The following MYH7 variants were observed in gnomAD, a reference collection of about 807,000 sequenced individuals.
The protein encoded by MYH7 is myosin heavy chain 7.
A neutral mutation model predicts 225.4 loss-of-function variants in MYH7; 129 were observed. That is an observed-to-expected ratio of 0.57 (90% CI 0.50 to 0.66). The LOEUF is 0.66. Among genes scored for constraint, MYH7 ranks in the 30% least tolerant of loss-of-function variants. The pLI is 0.00. For missense variants in MYH7, 1,649 were observed against 2,517.0 expected, an observed-to-expected ratio of 0.66 and a Z score of 7.38; for synonymous variants, 971 against 1,007.6, an observed-to-expected ratio of 0.96 and a Z score of 0.69.
At chr14:23,417,983 C>T (rs773955040) in intron 30 of MYH7, 10 of 901,934 alleles carry the variant, frequency 1.1e-5, no homozygotes, top group South Asian at 7.9e-5. Flanking sequence ...CAGACGGAAG[C>T]ACTCTGCCCT....
At position 23,433,038 on chromosome 14, in the gene MYH7, G is replaced by A; in HGVS notation, c.345+46C>T. The A allele has an allele frequency of 6.2e-7, 1 of 1,613,680 alleles. No homozygotes were observed. The highest frequency in any genetic ancestry group is 8.5e-7 in the Non-Finnish European group (1 of 1,179,728). On this transcript the variant is annotated intron_variant, in intron 4 of 39. Coordinates refer to ENST00000355349, the MANE Select transcript of MYH7 (RefSeq NM_000257.4). The surrounding 1 kb of genome is among the most constrained non-coding windows in gnomAD (Gnocchi z 4.1). ...CTTGGCTCCTGGGGTGGACATGGAT[G>A]GAGCAAGAACAGAGATCCCAACGTA...
At chr14:23,432,955 C>G (rs1351445685) in intron 4 of MYH7, 129 bp downstream of exon 4, 1 of 1,519,748 alleles carries the variant, frequency 6.6e-7, no homozygotes, top group Non-Finnish European at 9.0e-7. Context: ...GGAATTGAAC[C>G]AAGGATGTTG....
rs1893028947 is a variant in MYH7, at chr14:23,433,473, T to C, written c.201+59A>G. ...GGCATGGGGCATGGGTGTACCCCTC[T>C]CTGTCCACCCAGGTGTACAGGTGGC... is the stretch of plus-strand genomic sequence containing the variant. On this transcript the variant is annotated intron_variant, in intron 3 of 39. Transcript: ENST00000355349. The surrounding 1 kb of genome is among the most constrained non-coding windows in gnomAD (Gnocchi z 4.1). The C allele has an allele frequency of 1.9e-6, 3 of 1,553,154 alleles. No individual in the cohort carries two copies. The highest frequency in any genetic ancestry group is 2.7e-6 in the Non-Finnish European group (3 of 1,129,018).
At chr14:23,420,817 C>T (rs746485219) in intron 26 of MYH7, 141 bp downstream of exon 26, 11 of 711,612 alleles carry the variant, frequency 1.5e-5, no homozygotes, top group Non-Finnish European at 2.8e-5. Context: ...TCCATGGGCA[C>T]ACTGTGATAG....
chr14:23,414,174 C>G, intron 37 of MYH7, 72 bp from the exon 38 acceptor site: 1 of 1,315,072 alleles, frequency 7.6e-7, no homozygotes, highest in Non-Finnish European at 1.1e-6. Flanking sequence ...CCGCCCTGCC[C>G]TGCTTCATCT....
At chr14:23,428,361 A>G in intron 15 of MYH7, 139 bp downstream of exon 15, 1 of 1,395,504 alleles carries the variant, frequency 7.2e-7, no homozygotes, top group Non-Finnish European at 1.0e-6. Flanking sequence ...AGCACAACAT[A>G]GGCTCTGGAA....
chr14:23,412,863 A>C lies in MYH7; in HGVS notation c.5799T>G (p.Asn1933Lys). Residue 1933 changes from asparagine (N) to lysine (K), a missense_variant, in exon 40 of 40, where the codon AAT becomes AAG. This residue lies in a region of MYH7 where 687 missense variants were observed against 913.8 expected (regional missense o/e 0.75). Coordinates refer to ENST00000355349, the MANE Select transcript of MYH7 (RefSeq NM_000257.4). ...TCAAGATGTGGCAAAGCTACTCCTC[A>C]TTCAAGCCCTTTTGAAAGGAAACAA... ...KSRDIGTKGL[N>K]EE The C allele has an allele frequency of 6.2e-7, 1 of 1,614,100 alleles. No individual in the cohort carries two copies. Among genetic ancestry groups the C allele is most frequent in the Non-Finnish European group, 8.5e-7 (1 of 1,180,010 alleles).
chr14:23,422,391 G>A (rs1892510926), intron 24 of MYH7, 66 bp from the exon 25 acceptor site: 1 of 1,609,286 alleles, frequency 6.2e-7, no homozygotes, highest in Non-Finnish European at 8.5e-7. Context: ...TTGTTGTTCA[G>A]TTACCTCAGG....
rs1892145033 is a variant in MYH7, at chr14:23,415,319, C to T, written c.5284-49G>A. ...CATGGTCTGGTCAAGTCCTCACACA[C>T]TTGCTGCCCAGCCCACGGAGAGACA... On this transcript the variant is annotated intron_variant, in intron 36 of 39. Coordinates refer to ENST00000355349, the MANE Select transcript of MYH7 (RefSeq NM_000257.4). The surrounding 1 kb of genome is among the most constrained non-coding windows in gnomAD (Gnocchi z 6.3). 1 of 1,614,142 alleles carries T rather than the reference C, an allele frequency of 6.2e-7. No homozygotes were observed. Among genetic ancestry groups the T allele is most frequent in the Non-Finnish European group, 8.5e-7 (1 of 1,180,056 alleles).
At position 23,429,783 on chromosome 14, in the gene MYH7, C is replaced by T. The variant is rs1085307959; in HGVS notation, c.1130G>A (p.Gly377Asp). The change falls in exon 12 of 40, where the codon GGC (glycine) becomes GAC (aspartate). Residue 377 changes from glycine (G) to aspartate (D), a missense_variant. By Grantham distance (94) the Gly-to-Asp change is moderately conservative. Coordinates refer to ENST00000355349, the MANE Select transcript of MYH7 (RefSeq NM_000257.4). ...GAATCCCTGCCTCCCACCTTCAGTG[C>T]CGTCTGGCTCCGCCTGCTCCTCCCG... is the stretch of plus-strand genomic sequence containing the variant. ...KQREEQAEPD[G>D]TEEADKSAYL... 1.9e-6 allele frequency: 3 copies of T among 1,612,586 alleles called. No homozygotes were observed. The highest frequency in any genetic ancestry group is 1.3e-5 in the African/African-American group (1 of 74,968).
chr14:23,433,220 G>T lies in MYH7; in HGVS notation c.209C>A (p.Thr70Asn), dbSNP rs1327007939. Residue 70 changes from threonine to asparagine, a missense_variant, in exon 4 of 40, where the codon ACC becomes AAC. This residue lies in a region of MYH7 where 91 missense variants were observed against 96.5 expected (regional missense o/e 0.94). Coordinates refer to ENST00000355349, the MANE Select transcript of MYH7 (RefSeq NM_000257.4). This position sits in a 1 kb window ranked among gnomAD's most constrained non-coding sequence, Gnocchi z 4.1. ...CTGCATCACCTGGTCCTCCTTCACG[G>T]TCACTGTCTGCAAGAGCCCCCACCC... ...TAETEYGKTV[T>N]VKEDQVMQQN... is the part of the protein sequence containing the mutation. 1 of 1,614,156 alleles carries T rather than the reference G, an allele frequency of 6.2e-7. No individual in the cohort carries two copies. The highest frequency in any genetic ancestry group is 8.5e-7 in the Non-Finnish European group (1 of 1,180,018).
chr14:23,426,904 C>T (rs1218737611), intron 17 of MYH7, 40 bp from the exon 18 acceptor site: 1 of 1,530,650 alleles, frequency 6.5e-7, no homozygotes, highest in Admixed American at 1.7e-5. Flanking sequence ...AAAGAAAATG[C>T]CAGAAAGAGA....
At chr14:23,417,827 C>A (rs1445149603) in intron 30 of MYH7, 141 bp from the exon 31 acceptor site, 2 of 1,200,452 alleles carry the variant, frequency 1.7e-6, no homozygotes, top group African/African-American at 3.0e-5. Context: ...GTCCCAGGGG[C>A]CGAGAACATC....
rs547826416 is a variant in MYH7 at position 23,433,927 on chromosome 14, G to C, written c.-8-187C>G. Among the ~76,000 whole-genome samples the C allele has an allele frequency of 1.3e-5, 2 of 152,326 alleles. No homozygotes were observed. The highest frequency in any genetic ancestry group is 3.9e-4 in the East Asian group (2 of 5,186). ...GGAGCAGCCTAGCAAACCTGCCAGG[G>C]TAAAAGGAACAACTAACTATTGTTC... On this transcript the variant is annotated intron_variant, in intron 2 of 39. Transcript: ENST00000355349. The surrounding 1 kb of genome is among the most constrained non-coding windows in gnomAD (Gnocchi z 4.1).
intron 39 of MYH7, 48 bp from the exon 40 acceptor site, chr14:23,412,919 G>A: frequency 6.2e-7 from 1 of 1,602,536 alleles, no homozygotes; most frequent in Non-Finnish European, 8.5e-7. Flanking sequence ...AGATGGTATT[G>A]GGCAGGGACA....
In MYH7 at chr14:23,431,501, T is replaced by C; in HGVS notation, c.733-20A>G. On this transcript the variant is annotated intron_variant, in intron 8 of 39. Transcript: ENST00000355349. ...TTTCCCCTGGAGAGATGGAAGAGAGTGGTGATGAGTTGGGGGAAGGCTCAT... is the reference window on the plus strand; with the variant it reads ...TTTCCCCTGGAGAGATGGAAGAGAGCGGTGATGAGTTGGGGGAAGGCTCAT... 2 of 1,613,614 alleles carry C rather than the reference T, an allele frequency of 1.2e-6. No homozygotes were observed. The highest frequency in any genetic ancestry group is 2.2e-5 in the South Asian group (2 of 91,064).
In MYH7 at chr14:23,419,300, G is replaced by A. The variant is rs752385694; in HGVS notation, c.3854-5C>T. The stretch of plus-strand genomic sequence containing the variant: ...CCAGCTGCCGGGACAGCTCACCTGG[G>A]GAAGCACCATTCTAGATCAGCACTC... On this transcript the variant is annotated splice_polypyrimidine_tract_variant and splice_region_variant and intron_variant, in intron 28 of 39. Coordinates refer to ENST00000355349, the MANE Select transcript of MYH7 (RefSeq NM_000257.4). 6.2e-6 allele frequency: 10 copies of A among 1,614,016 alleles called. No individual in the cohort carries two copies. The East Asian group carries it at 1.3e-4, about 22-fold the overall frequency.
chr14:23,425,493 A>T lies in MYH7; in HGVS notation c.2287-75T>A. On this transcript the variant is annotated intron_variant, in intron 20 of 39. Transcript: ENST00000355349. The surrounding 1 kb of genome is among the most constrained non-coding windows in gnomAD (Gnocchi z 4.6). ...AGAGATGGTGGGGATTACCTTAGGA[A>T]GGGTAACAGCCTAGAAAAGGATTGC... The T allele has an allele frequency of 6.2e-7, 1 of 1,609,704 alleles. No individual in the cohort carries two copies. The highest frequency in any genetic ancestry group is 8.5e-7 in the Non-Finnish European group (1 of 1,178,204).
In MYH7 at chr14:23,423,553, C is replaced by G; in HGVS notation, c.3093G>C (p.Val1031=). The part of the protein sequence containing the change: ...TKAKVKLEQQ[V]DDLEGSLEQE... ...CAACTCTCAATCTACTCACATCATC[C>G]ACTTGCTGCTCCAGCTTGACTTTGG... The change falls in exon 24 of 40, where the codon GTG becomes GTC. Residue 1031 remains valine, a synonymous_variant. Coordinates refer to ENST00000355349, the MANE Select transcript of MYH7 (RefSeq NM_000257.4). The G allele has an allele frequency of 6.2e-7, 1 of 1,613,816 alleles. No individual in the cohort carries two copies.
Sources: allele counts gnomAD v4.1 joint callset (sites outside exome capture counted in the v4.1 genomes callset), GRCh38; gene constraint gnomAD v4.1.1; regional missense constraint gnomAD v4.1.1; non-coding constraint Gnocchi (gnomAD v3.1); transcripts MANE v1.5; gene names NCBI Gene and HGNC (gene_info 2026-07-23, HGNC 2026-07-21).